ERBB4: variants seen among roughly 807,000 people sequenced by gnomAD.
The protein encoded by ERBB4 is receptor tyrosine-protein kinase erbB-4.
Under a neutral mutation model 158.0 loss-of-function variants are expected in ERBB4, and 42 were observed. The ratio of observed to expected loss-of-function variants is 0.27; its 90% CI spans 0.21 to 0.34. The LOEUF is 0.34. ERBB4 is among the 10% of genes least tolerant of loss of function. The probability of loss-of-function intolerance (pLI) is 1.00; values close to 1 mark genes in which losing one functional copy is unlikely to be tolerated. For missense variants in ERBB4, 1,333 were observed against 1,624.1 expected, an observed-to-expected ratio of 0.82 and a Z score of 3.08; for synonymous variants, 583 against 558.7, an observed-to-expected ratio of 1.04 and a Z score of -0.61.
intron 3 of ERBB4, among the ~76,000 whole-genome samples, chr2:211,805,624 C>T (rs150207520): frequency 3.4e-4 from 52 of 152,234 alleles, no homozygotes; most frequent in Middle Eastern, 6.8e-3. Context: ...TATTCTCTTG[C>T]CTTTAAACAA....
Position 211,570,742 on chromosome 2 carries a change from A to G in ERBB4, c.2302-8654T>C, listed in dbSNP as rs1052017775. Among the ~76,000 whole-genome samples, 7 of 152,138 alleles carry G rather than the reference A, an allele frequency of 4.6e-5. No homozygotes were observed. The East Asian group carries it at 9.7e-4, about 21-fold the overall frequency. ...ATAAAAGTTCCTTCAATTTTGCCCT[A>G]TCTGTACATTAGGGATATTTGTCAG... On this transcript the variant is annotated intron_variant, in intron 19 of 27. Coordinates refer to ENST00000342788, the MANE Select transcript of ERBB4 (RefSeq NM_005235.3).
chr2:211,527,110 C>T (rs958739530), intron 20 of ERBB4, among the ~76,000 whole-genome samples: 2 of 151,968 alleles, frequency 1.3e-5, no homozygotes, highest in African/African-American at 4.8e-5. Flanking sequence ...AGAACACTAA[C>T]CAGATTTAAC....
At chr2:211,849,737 T>C (rs1355160150) in intron 3 of ERBB4, among the ~76,000 whole-genome samples, 3 of 152,008 alleles carry the variant, frequency 2.0e-5, no homozygotes, top group African/African-American at 4.8e-5. Context: ...GATAAAACCA[T>C]ACATAGCCAC....
rs567618941 is a variant in ERBB4, at chr2:211,806,487, T to C, written c.422-18328A>G. On this transcript the variant is annotated intron_variant, in intron 3 of 27. Transcript: ENST00000342788. ...ATTTTTTTAAGGAATATTTTAAAGA[T>C]ACCCTTCAAGAAAATAAGGGAGCAC... 4.6e-5 allele frequency among the ~76,000 whole-genome samples: 7 copies of C among 152,224 alleles called. No individual in the cohort carries two copies. In the East Asian group the frequency reaches 1.4e-3, roughly 29 times the overall value.
At chr2:211,991,529 C>T (rs539714707) in intron 2 of ERBB4, among the ~76,000 whole-genome samples, 63 of 152,050 alleles carry the variant, frequency 4.1e-4, no homozygotes, top group African/African-American at 1.0e-3. Context: ...TCTCTATAAA[C>T]GTGTTTTTCT....
At chr2:212,348,903 T>A (rs1284265717) in intron 1 of ERBB4, among the ~76,000 whole-genome samples, 2 of 152,090 alleles carry the variant, frequency 1.3e-5, no homozygotes, top group East Asian at 3.9e-4. Context: ...ATAACTGGAG[T>A]ATTTAGTGAA....
chr2:212,190,423 G>A (rs2082153003), intron 1 of ERBB4, among the ~76,000 whole-genome samples: 1 of 152,002 alleles, frequency 6.6e-6, no homozygotes, highest in Admixed American at 6.6e-5. Context: ...TGTAGTCCCA[G>A]CTACTCGGGA....
chr2:212,322,061 T>C (rs1016687877), intron 1 of ERBB4, among the ~76,000 whole-genome samples: 23 of 150,510 alleles, frequency 1.5e-4, no homozygotes, highest in African/African-American at 5.6e-4. Flanking sequence ...CCTTCTTTCA[T>C]CTTAGGAGTC....
chr2:211,460,216 T>G (rs1045025012), intron 20 of ERBB4, among the ~76,000 whole-genome samples: 1 of 152,176 alleles, frequency 6.6e-6, no homozygotes, highest in Non-Finnish European at 1.5e-5. Context: ...TCTCACTGCC[T>G]TCTTCGTCTG....
At chr2:212,044,217 T>C (rs1251583413) in intron 2 of ERBB4, among the ~76,000 whole-genome samples, 1 of 152,144 alleles carries the variant, frequency 6.6e-6, no homozygotes, top group Non-Finnish European at 1.5e-5. Flanking sequence ...CTCAATTGGA[T>C]TATAGTCGTT....
chr2:212,211,952 C>A (rs1330380207), intron 1 of ERBB4, among the ~76,000 whole-genome samples: 1 of 152,060 alleles, frequency 6.6e-6, no homozygotes, highest in Admixed American at 6.6e-5. Context: ...TTTCTTTACC[C>A]AGTCTATCAG....
rs1446959332 is a variant in ERBB4, at chr2:212,521,463, AAAGTC to A, written c.82+16981_82+16985del. Among the ~76,000 whole-genome samples the A allele has an allele frequency of 3.9e-5, 6 of 152,036 alleles. No individual in the cohort carries two copies. In the East Asian group the frequency reaches 5.8e-4, roughly 15 times the overall value. On this transcript the variant is annotated intron_variant, in intron 1 of 27. Transcript: ENST00000342788. ...CCTGTTTATATTCATAGGACACACA[AAAGTC>A]AAGTTCAAATTATGAAAAAGAGAAA...
At chr2:211,547,891 T>C (rs1200810988) in intron 20 of ERBB4, among the ~76,000 whole-genome samples, 2 of 152,068 alleles carry the variant, frequency 1.3e-5, no homozygotes, top group Non-Finnish European at 2.9e-5. Flanking sequence ...AGGAGTAACT[T>C]ACAAGCTGAA....
intron 1 of ERBB4, among the ~76,000 whole-genome samples, chr2:212,354,894 C>A (rs1378824871): frequency 6.6e-6 from 1 of 151,698 alleles, no homozygotes; most frequent in Non-Finnish European, 1.5e-5. Context: ...CAGGAGGCCC[C>A]TATTAGCTAT....
At chr2:212,314,131 T>G (rs904499347) in intron 1 of ERBB4, among the ~76,000 whole-genome samples, 2 of 151,214 alleles carry the variant, frequency 1.3e-5, no homozygotes, top group African/African-American at 4.8e-5. Flanking sequence ...ACTAAGACAC[T>G]GAGTTATGAA....
intron 3 of ERBB4, among the ~76,000 whole-genome samples, chr2:211,890,921 C>G (rs2078948580): frequency 1.2e-5 from 1 of 83,730 alleles, no homozygotes. Context: ...CCTGAGTGAC[C>G]TACAAAGAGA....
intron 20 of ERBB4, among the ~76,000 whole-genome samples, chr2:211,538,491 C>G (rs2066714173): frequency 6.6e-6 from 1 of 151,750 alleles, no homozygotes; most frequent in African/African-American, 2.4e-5. Flanking sequence ...AATCCTGGGG[C>G]TCTCTTTTCT....
At chr2:212,242,854 T>C (rs1355930569) in intron 1 of ERBB4, among the ~76,000 whole-genome samples, 1 of 152,214 alleles carries the variant, frequency 6.6e-6, no homozygotes, top group Non-Finnish European at 1.5e-5. Flanking sequence ...TATGGCAGCC[T>C]TCCACACTGT....
intron 1 of ERBB4, among the ~76,000 whole-genome samples, chr2:212,496,866 T>G (rs1016759314): frequency 6.6e-6 from 1 of 152,154 alleles, no homozygotes; most frequent in Non-Finnish European, 1.5e-5. Flanking sequence ...CAGTCAATAC[T>G]TTATTTGCTT....
Sources: gnomAD v4.1 joint callset for allele counts (sites outside exome capture counted in the v4.1 genomes callset) on GRCh38, gnomAD v4.1.1 for gene constraint, MANE v1.5 for transcripts, NCBI Gene and HGNC (gene_info 2026-07-23, HGNC 2026-07-21) for gene names.